Variants in CCDC68 observed in about 807,000 individuals in gnomAD.
CCDC68 encodes coiled-coil domain containing 68.
Under a neutral mutation model 47.1 loss-of-function variants are expected in CCDC68, and 45 were observed. The ratio of observed to expected loss-of-function variants is 0.96; its 90% CI spans 0.75 to 1.23. CCDC68 has a LOEUF of 1.23. Among genes scored for constraint, CCDC68 ranks in the 50% most tolerant of loss-of-function variants. CCDC68 has a pLI of 0.00. For missense variants in CCDC68, 353 were observed against 373.6 expected (o/e 0.94, Z 0.45); for synonymous variants, 131 against 129.5 (o/e 1.01, Z -0.08).
rs956833132 is a variant in CCDC68, at chr18:54,903,482, G to A, written c.*876C>T. 1.3e-5 allele frequency: 2 copies of A among 152,170 alleles called. No homozygotes were observed. Among genetic ancestry groups the A allele is most frequent in the Admixed American group, 6.5e-5 (1 of 15,278 alleles). 9.4% of individuals were successfully genotyped at this position (152,170 alleles called of 1,614,324 possible). A position where few individuals can be genotyped will look rare whatever the true frequency, so the allele number is the denominator to read the frequency against. On this transcript the variant is annotated 3_prime_UTR_variant, in exon 12 of 12. Transcript: ENST00000591504. ...TTCAGATTCTTTCTGGCTGCAGACA[G>A]CAGTCATTATTCCTTTGAGCCTATA...
intron 3 of CCDC68, 32 bp from the exon 4 acceptor site, chr18:54,941,115 A>C (rs757793324): frequency 6.5e-7 from 1 of 1,536,324 alleles, no homozygotes; most frequent in Non-Finnish European, 9.0e-7. Flanking sequence ...ATTTGTTTCA[A>C]AGGCATTTAA....
At chr18:54,955,848 G>A (rs1836080280) in intron 1 of CCDC68, among the ~76,000 whole-genome samples, 1 of 152,082 alleles carries the variant, frequency 6.6e-6, no homozygotes, top group African/African-American at 2.4e-5. Context: ...CTCCCCAGGA[G>A]CTGGGATTAC....
intron 1 of CCDC68, among the ~76,000 whole-genome samples, chr18:54,955,320 G>A (rs1057504076): frequency 2.6e-4 from 39 of 152,112 alleles, no homozygotes; most frequent in Middle Eastern, 3.4e-3. Flanking sequence ...ATACAACCCC[G>A]TCTTGAAAAA....
At chr18:54,937,053 A>G in intron 5 of CCDC68, 95 bp from the exon 6 acceptor site, 5 of 1,168,944 alleles carry the variant, frequency 4.3e-6, no homozygotes, top group Non-Finnish European at 6.3e-6. Flanking sequence ...CCAAAGGTAT[A>G]ACTATACCAT....
chr18:54,919,436 C>T (rs1440736119), intron 8 of CCDC68, 60 bp from the exon 9 acceptor site: 30 of 1,338,596 alleles, frequency 2.2e-5, no homozygotes, highest in African/African-American at 3.0e-5. Flanking sequence ...TTCCATAGCT[C>T]GTCCTTACTG....
intron 8 of CCDC68, among the ~76,000 whole-genome samples, chr18:54,921,002 T>C (rs764451796): frequency 6.6e-6 from 1 of 152,194 alleles, no homozygotes; most frequent in Non-Finnish European, 1.5e-5. Context: ...CACCATGGAA[T>C]ACTATGCAGC....
chr18:54,919,343 G>A lies in CCDC68; in HGVS notation c.717C>T (p.Leu239=). ...CQDLQREISI[L]QEQISHLQFV... ...ACTGCAGATGAGAGATCTGCTCCTG[G>A]AGAATGGAAATCTCCCTCTGAAGAT... The change falls in exon 9 of 12, where the codon CTC becomes CTT. Residue 239 remains leucine (L), a synonymous_variant. Coordinates refer to ENST00000591504, the MANE Select transcript of CCDC68 (RefSeq NM_025214.3). The A allele has an allele frequency of 6.2e-7, 1 of 1,614,006 alleles. No individual in the cohort carries two copies. Among genetic ancestry groups the A allele is most frequent in the Non-Finnish European group, 8.5e-7 (1 of 1,179,908 alleles).
chr18:54,914,198 G>GGT (rs1255706593), intron 10 of CCDC68, among the ~76,000 whole-genome samples: 2 of 152,094 alleles, frequency 1.3e-5, no homozygotes, highest in Non-Finnish European at 2.9e-5. Flanking sequence ...AGCTCAAATG[G>GGT]GTGTAGTAAC....
chr18:54,945,658 C>A (rs1222782862), intron 1 of CCDC68, among the ~76,000 whole-genome samples, 181 bp from the exon 2 acceptor site: 1 of 152,158 alleles, frequency 6.6e-6, no homozygotes, highest in Non-Finnish European at 1.5e-5. Context: ...ACAGAGGATG[C>A]CAAGAATTTT....
At chr18:54,925,551 G>A (rs1180477820) in intron 8 of CCDC68, among the ~76,000 whole-genome samples, 1 of 152,206 alleles carries the variant, frequency 6.6e-6, no homozygotes, top group African/African-American at 2.4e-5. Context: ...AAGCCATGTT[G>A]CAGGCTCTAA....
chr18:54,902,255 A>G lies in CCDC68; in HGVS notation c.*2103T>C, dbSNP rs1310896593. On this transcript the variant is annotated 3_prime_UTR_variant, in exon 12 of 12. Coordinates refer to ENST00000591504, the MANE Select transcript of CCDC68 (RefSeq NM_025214.3). ...TGAGTATAGTGAAATCAAAATAAAA[A>G]CCAACAGTGTCTTTCCACTTTTGAC... The G allele has an allele frequency of 2.0e-5, 3 of 152,202 alleles. No homozygotes were observed. The highest frequency in any genetic ancestry group is 6.5e-5 in the Admixed American group (1 of 15,280). 9.4% of individuals were successfully genotyped at this position (152,202 alleles called of 1,614,324 possible).
chr18:54,949,254 C>A lies in CCDC68; in HGVS notation c.-102-3777G>T, dbSNP rs138489092. Among the ~76,000 whole-genome samples the A allele has an allele frequency of 5.0e-4, 76 of 152,274 alleles. 2 individuals carry two copies. In the East Asian group the frequency reaches 6.8e-3, roughly 14 times the overall value. On this transcript the variant is annotated intron_variant, in intron 1 of 11. Transcript: ENST00000591504. The stretch of plus-strand genomic sequence containing the variant: ...CAAGTGATCCACCCACCTTGGCTTC[C>A]CAAAGTGTTGGGATTACAGGCATGA...
intron 8 of CCDC68, 24 bp from the exon 9 acceptor site, chr18:54,919,400 C>G (rs2145427129): frequency 6.4e-7 from 1 of 1,552,772 alleles, no homozygotes; most frequent in Non-Finnish European, 8.9e-7. Flanking sequence ...GGGAAAAAGA[C>G]CAAGAGAAAA....
rs888700093 is a variant in CCDC68, at chr18:54,902,851, C to T, written c.*1507G>A. The T allele has an allele frequency of 6.6e-6, 1 of 152,176 alleles. No homozygotes were observed. The highest frequency in any genetic ancestry group is 2.4e-5 in the African/African-American group (1 of 41,452). 9.4% of individuals were successfully genotyped at this position (152,176 alleles called of 1,614,324 possible). On this transcript the variant is annotated 3_prime_UTR_variant, in exon 12 of 12. Transcript: ENST00000591504. ...TCACAGTTAGCAGCTGGGCAAATTA[C>T]TCAACCACTCTCAGTATCTTTCTCT...
At chr18:54,932,825 T>C (rs568022377) in intron 7 of CCDC68, among the ~76,000 whole-genome samples, 1 of 152,192 alleles carries the variant, frequency 6.6e-6, no homozygotes, top group Non-Finnish European at 1.5e-5. Flanking sequence ...AAAGGACTCA[T>C]AGAGGAATTA....
chr18:54,940,575 T>A (rs2044419040), intron 4 of CCDC68, among the ~76,000 whole-genome samples: 1 of 152,198 alleles, frequency 6.6e-6, no homozygotes, highest in African/African-American at 2.4e-5. Context: ...CTTAGGTATA[T>A]ACAGCTGATG....
chr18:54,940,914 C>T (rs1478041939), intron 4 of CCDC68, 83 bp downstream of exon 4: 1 of 912,220 alleles, frequency 1.1e-6, no homozygotes, highest in East Asian at 2.5e-5. Flanking sequence ...TCCTTCGAAT[C>T]TTCAAAGAAG....
At chr18:54,906,097 T>C (rs1026146357) in intron 11 of CCDC68, among the ~76,000 whole-genome samples, 27 of 152,158 alleles carry the variant, frequency 1.8e-4, no homozygotes, top group Admixed American at 6.5e-4. Flanking sequence ...GTAATAAAAA[T>C]AGAAATAAAT....
At position 54,913,081 on chromosome 18, in the gene CCDC68, C is replaced by T. The variant is rs544972112; in HGVS notation, c.873+4832G>A. 1.1e-4 allele frequency among the ~76,000 whole-genome samples: 16 copies of T among 152,328 alleles called. No homozygotes were observed. The South Asian group carries it at 3.3e-3, about 32-fold the overall frequency. On this transcript the variant is annotated intron_variant, in intron 10 of 11. Coordinates refer to ENST00000591504, the MANE Select transcript of CCDC68 (RefSeq NM_025214.3). ...GCAGATATTGATGGGCAGGCATGTG[C>T]TGCAAAATTAAGCAGACTCAAATGC...
Sources: allele counts gnomAD v4.1 joint callset (sites outside exome capture counted in the v4.1 genomes callset), GRCh38; gene constraint gnomAD v4.1.1; transcripts MANE v1.5; gene names NCBI Gene and HGNC (gene_info 2026-07-23, HGNC 2026-07-21).